The following RAB38 variants were observed in gnomAD, a reference collection of about 807,000 sequenced individuals.
The protein encoded by RAB38 is ras-related protein Rab-38.
In RAB38, 15 loss-of-function variants were observed where a neutral mutation model predicts 18.4. That is an observed-to-expected ratio of 0.82 (90% confidence interval 0.55 to 1.26). RAB38 has a LOEUF of 1.26. Among genes scored for constraint, RAB38 ranks in the 50% most tolerant of loss-of-function variants. RAB38 has a pLI of 0.00. For missense variants in RAB38, 294 were observed against 267.4 expected (o/e 1.10, Z -0.69); for synonymous variants, 101 against 104.4 (o/e 0.97, Z 0.20).
the RAB38 span, among the ~76,000 whole-genome samples, chr11:87,883,695 C>T: frequency 6.6e-6 from 1 of 151,872 alleles, no homozygotes; most frequent in African/African-American, 2.4e-5. Flanking sequence ...AACAGAGACC[C>T]TTTCCAGGTT....
At chr11:87,873,849 C>A in the RAB38 span, among the ~76,000 whole-genome samples, 1 of 141,328 alleles carries the variant, frequency 7.1e-6, no homozygotes, top group African/African-American at 2.6e-5. Flanking sequence ...TATTGATTTG[C>A]CAGTGTATAG....
the RAB38 span, among the ~76,000 whole-genome samples, chr11:87,819,770 G>GTGTGTATA: frequency 2.4e-4 from 15 of 63,074 alleles, no homozygotes; most frequent in African/African-American, 9.8e-4. Context: ...ATATATATGT[G>GTGTGTATA]TATATATATA....
the RAB38 span, among the ~76,000 whole-genome samples, chr11:88,013,592 A>T: frequency 2.0e-5 from 3 of 152,178 alleles, no homozygotes; most frequent in African/African-American, 7.2e-5. Flanking sequence ...AAAATGCTGC[A>T]GTGAAACACT....
the RAB38 span, among the ~76,000 whole-genome samples, chr11:87,918,888 G>T: frequency 6.6e-6 from 1 of 150,792 alleles, no homozygotes. Context: ...GATCCCATTT[G>T]TCTGTGTTTG....
At chr11:88,043,518 C>T in the RAB38 span, among the ~76,000 whole-genome samples, 1 of 152,070 alleles carries the variant, frequency 6.6e-6, no homozygotes, top group Non-Finnish European at 1.5e-5. Context: ...TAGCTTGTTC[C>T]TGCCTTAACT....
At chr11:87,920,513 T>C in the RAB38 span, among the ~76,000 whole-genome samples, 1 of 152,102 alleles carries the variant, frequency 6.6e-6, no homozygotes, top group Non-Finnish European at 1.5e-5. Context: ...CTTGATATGA[T>C]TTCAATCTTC....
the RAB38 span, among the ~76,000 whole-genome samples, chr11:87,915,900 C>T: frequency 1.5e-4 from 23 of 152,094 alleles, 1 homozygote; most frequent in Admixed American, 6.5e-4. Flanking sequence ...GGATGTGGGA[C>T]GTGGAGTCAA....
the RAB38 span, among the ~76,000 whole-genome samples, chr11:87,961,059 C>G: frequency 7.2e-5 from 11 of 152,258 alleles, no homozygotes; most frequent in African/African-American, 2.6e-4. Context: ...ATTTCAATGT[C>G]TCTTTTCATG....
chr11:87,971,480 C>T, the RAB38 span, among the ~76,000 whole-genome samples: 2 of 152,128 alleles, frequency 1.3e-5, no homozygotes, highest in South Asian at 4.1e-4. Flanking sequence ...TAATGTGCAG[C>T]TCAGAATGTA....
chr11:87,945,435 A>T, the RAB38 span, among the ~76,000 whole-genome samples: 12 of 152,178 alleles, frequency 7.9e-5, no homozygotes, highest in Non-Finnish European at 1.2e-4. Context: ...GAGCAATTTA[A>T]CAAATTGGAG....
the RAB38 span, among the ~76,000 whole-genome samples, chr11:87,976,516 T>C: frequency 0.025 from 3 of 118 alleles, no homozygotes; most frequent in African/African-American, 0.083. Context: ...AATATATTTA[T>C]ATTTTATATA....
chr11:88,069,092 G>A, the RAB38 span, among the ~76,000 whole-genome samples: 4 of 152,294 alleles, frequency 2.6e-5, no homozygotes, highest in Admixed American at 6.5e-5. Flanking sequence ...CTGCGATTGC[G>A]GGCCAGGGCG....
chr11:87,849,288 T>A, the RAB38 span, among the ~76,000 whole-genome samples: 1 of 152,262 alleles, frequency 6.6e-6, no homozygotes, highest in South Asian at 2.1e-4. Context: ...TGCCTCTTTT[T>A]CTGGTTTCAT....
chr11:88,065,958 A>G, the RAB38 span, among the ~76,000 whole-genome samples: 1 of 152,198 alleles, frequency 6.6e-6, no homozygotes, highest in African/African-American at 2.4e-5. Context: ...CAAGGCTTTG[A>G]TAAGTTTAGA....
chr11:87,898,809 A>C, the RAB38 span, among the ~76,000 whole-genome samples: 2 of 151,750 alleles, frequency 1.3e-5, no homozygotes, highest in East Asian at 3.9e-4. Context: ...CCACAGCAAG[A>C]GTGTAACTAA....
At chr11:87,839,988 A>G in the RAB38 span, among the ~76,000 whole-genome samples, 9 of 152,198 alleles carry the variant, frequency 5.9e-5, no homozygotes, top group African/African-American at 2.2e-4. Context: ...AAAGAACAAG[A>G]CTAGATCTCA....
the RAB38 span, among the ~76,000 whole-genome samples, chr11:87,898,110 T>G: frequency 2.0e-5 from 3 of 151,432 alleles, no homozygotes; most frequent in East Asian, 5.9e-4. Context: ...ACTAATAACC[T>G]CCAAAAGTTG....
chr11:88,027,049 A>C, the RAB38 span, among the ~76,000 whole-genome samples: 1 of 152,222 alleles, frequency 6.6e-6, no homozygotes, highest in Non-Finnish European at 1.5e-5. Flanking sequence ...TTCATGCATT[A>C]ATTCAAAAAT....
the RAB38 span, among the ~76,000 whole-genome samples, chr11:88,065,308 C>T: frequency 1.3e-5 from 2 of 152,200 alleles, no homozygotes; most frequent in Non-Finnish European, 2.9e-5. Flanking sequence ...AGAAACCATA[C>T]ATCCTGGCAT....
Sources: gnomAD v4.1 joint callset for allele counts (sites outside exome capture counted in the v4.1 genomes callset) on GRCh38, gnomAD v4.1.1 for gene constraint, MANE v1.5 for transcripts, NCBI Gene and HGNC (gene_info 2026-07-23, HGNC 2026-07-21) for gene names.